MDGA2: variants seen among roughly 807,000 people sequenced by gnomAD.
MDGA2 encodes the protein MAM domain-containing glycosylphosphatidylinositol anchor protein 2.
MDGA2 carries 40 observed loss-of-function variants against 117.8 expected under a neutral mutation model. That is an observed-to-expected ratio of 0.34 (90% CI 0.26 to 0.44). The LOEUF is 0.44. MDGA2 is among the 20% of genes least tolerant of loss of function. The pLI is 1.00. For synonymous variants in MDGA2, 452 were observed against 439.0 expected, an observed-to-expected ratio of 1.03 and a Z score of -0.37; for missense variants, 1,123 against 1,250.6, an observed-to-expected ratio of 0.90 and a Z score of 1.54.
Position 47,035,244 on chromosome 14 carries a change from G to T in MDGA2, c.1586C>A (p.Thr529Lys). The T allele has an allele frequency of 6.2e-7, 1 of 1,614,116 alleles. No homozygotes were observed. Among genetic ancestry groups the T allele is most frequent in the Non-Finnish European group, 8.5e-7 (1 of 1,179,996 alleles). The stretch of plus-strand genomic sequence containing the variant: ...AGTTACTTGACATTGCAGTTCTATT[G>T]TGTCTCCTTCTCTGGTGACCAATGG... ...KSPLVTREGD[T>K]IELQCQVTGK... The change falls in exon 8 of 17, where the codon ACA (threonine) becomes AAA (lysine). Residue 529 changes from threonine to lysine, a missense_variant. This residue lies in a region of MDGA2 where 890 missense variants were observed against 1,050.3 expected (regional missense o/e 0.85). Transcript: ENST00000399232.
At chr14:47,637,874 G>C (rs892963842) in intron 1 of MDGA2, among the ~76,000 whole-genome samples, 2 of 152,246 alleles carry the variant, frequency 1.3e-5, no homozygotes, top group African/African-American at 4.8e-5. Flanking sequence ...ACTGGCTTTG[G>C]TGAGGCAAAC....
chr14:46,855,289 T>G lies in MDGA2; in HGVS notation c.2753-135A>C. 1 of 607,642 alleles carries G rather than the reference T, an allele frequency of 1.6e-6. No homozygotes were observed. The highest frequency in any genetic ancestry group is 2.7e-6 in the Non-Finnish European group (1 of 367,164). 37.6% of individuals were successfully genotyped at this position (607,642 alleles called of 1,614,324 possible). ...TAGTGTCTTGTCCTCTCTTCTCCTC[T>G]CATTTCCTATCTTGCTCTTATGACA... On this transcript the variant is annotated intron_variant, in intron 14 of 16. Transcript: ENST00000399232. The surrounding 1 kb of genome is among the most constrained non-coding windows in gnomAD (Gnocchi z 4.1).
intron 1 of MDGA2, among the ~76,000 whole-genome samples, chr14:47,424,314 T>C (rs113543828): frequency 6.4e-4 from 98 of 152,060 alleles, no homozygotes; most frequent in African/African-American, 2.2e-3. Flanking sequence ...TTCCAGCCAT[T>C]TGGGAGGCTG....
intron 15 of MDGA2, among the ~76,000 whole-genome samples, chr14:46,853,002 C>G (rs577965979): frequency 6.6e-6 from 1 of 151,902 alleles, no homozygotes; most frequent in South Asian, 2.1e-4. Context: ...AAAAATCAAT[C>G]AACTGAAGCC....
chr14:47,537,307 C>T (rs1427341522), intron 1 of MDGA2, among the ~76,000 whole-genome samples: 4 of 85,678 alleles, frequency 4.7e-5, no homozygotes, highest in Non-Finnish European at 8.6e-5. Context: ...GGCCTGTTGT[C>T]GGGTGGGGGG....
intron 1 of MDGA2, among the ~76,000 whole-genome samples, chr14:47,557,063 C>A (rs557427007): frequency 1.3e-5 from 2 of 152,176 alleles, no homozygotes; most frequent in Non-Finnish European, 2.9e-5. Flanking sequence ...TGGGAGGGAA[C>A]AACCATGCAT....
At position 46,922,733 on chromosome 14, in the gene MDGA2, A is replaced by G. The variant is rs553582279; in HGVS notation, c.2090-2573T>C. Among the ~76,000 whole-genome samples the G allele has an allele frequency of 1.8e-3, 274 of 152,314 alleles. 2 individuals are homozygous for G. The highest frequency in any genetic ancestry group is 2.9e-3 in the Non-Finnish European group (199 of 68,022). Reference sequence around the variant, plus strand: ...TCTCTCTGAAATTACCTCCAGGTCTATATAACAAAAGATGTAAAAACTTAT... The same window carrying G: ...TCTCTCTGAAATTACCTCCAGGTCTGTATAACAAAAGATGTAAAAACTTAT... On this transcript the variant is annotated intron_variant, in intron 9 of 16. Transcript: ENST00000399232.
chr14:47,102,050 C>A (rs1594621856), intron 5 of MDGA2, among the ~76,000 whole-genome samples: 1 of 152,022 alleles, frequency 6.6e-6, no homozygotes, highest in Non-Finnish European at 1.5e-5. Flanking sequence ...TTTGCCGCTA[C>A]CTAACATAAT....
chr14:47,171,538 G>A (rs922323898), intron 3 of MDGA2, among the ~76,000 whole-genome samples: 32 of 152,130 alleles, frequency 2.1e-4, no homozygotes, highest in African/African-American at 7.5e-4. Flanking sequence ...ACAAATCAAT[G>A]GGGGAGATTT....
At chr14:47,231,252 A>G (rs1450740444) in intron 2 of MDGA2, among the ~76,000 whole-genome samples, 1 of 152,070 alleles carries the variant, frequency 6.6e-6, no homozygotes, top group Non-Finnish European at 1.5e-5. Flanking sequence ...CGGCCAAATT[A>G]TTTATTAATG....
At chr14:47,431,164 T>A (rs1892790747) in intron 1 of MDGA2, among the ~76,000 whole-genome samples, 2 of 152,046 alleles carry the variant, frequency 1.3e-5, no homozygotes, top group African/African-American at 4.8e-5. Context: ...TAAGTATATA[T>A]TCATATTCCT....
At chr14:47,426,047 A>C (rs1380218267) in intron 1 of MDGA2, among the ~76,000 whole-genome samples, 3 of 151,964 alleles carry the variant, frequency 2.0e-5, no homozygotes, top group African/African-American at 7.3e-5. Context: ...TCTGACTTAC[A>C]CAGCCCGGAT....
intron 2 of MDGA2, among the ~76,000 whole-genome samples, chr14:47,259,284 A>G (rs954940072): frequency 6.6e-6 from 1 of 152,104 alleles, no homozygotes; most frequent in African/African-American, 2.4e-5. Context: ...AGGAAACTAT[A>G]CACATACAGG....
At chr14:47,529,979 T>C (rs759481204) in intron 1 of MDGA2, among the ~76,000 whole-genome samples, 2 of 152,190 alleles carry the variant, frequency 1.3e-5, no homozygotes, top group Non-Finnish European at 2.9e-5. Flanking sequence ...AAATACAAAA[T>C]AGCATGCAGG....
intron 8 of MDGA2, among the ~76,000 whole-genome samples, chr14:47,026,391 A>G (rs944547239): frequency 2.6e-5 from 4 of 152,080 alleles, no homozygotes; most frequent in African/African-American, 9.7e-5. Flanking sequence ...AGTTCTTTGA[A>G]TTTATTTTTT....
chr14:46,891,300 T>C (rs1032226909), intron 10 of MDGA2, among the ~76,000 whole-genome samples: 2 of 151,676 alleles, frequency 1.3e-5, no homozygotes, highest in African/African-American at 4.8e-5. Flanking sequence ...TGTTTCTAAA[T>C]ATAATAATTC....
intron 1 of MDGA2, among the ~76,000 whole-genome samples, chr14:47,306,947 T>A (rs913196795): frequency 1.3e-5 from 2 of 152,106 alleles, no homozygotes; most frequent in African/African-American, 2.4e-5. Context: ...ATGTATTACT[T>A]ATACCATTCT....
intron 1 of MDGA2, among the ~76,000 whole-genome samples, chr14:47,337,505 A>G (rs534389454): frequency 6.6e-6 from 1 of 152,232 alleles, no homozygotes; most frequent in African/African-American, 2.4e-5. Context: ...AAAGAGAAAA[A>G]GATAAAAAAT....
chr14:47,625,346 A>G (rs566134970), intron 1 of MDGA2, among the ~76,000 whole-genome samples: 2 of 152,328 alleles, frequency 1.3e-5, no homozygotes, highest in African/African-American at 4.8e-5. Context: ...TCAGAATACA[A>G]GATTCTTTAC....
Sources: gnomAD v4.1 joint callset for allele counts (sites outside exome capture counted in the v4.1 genomes callset) on GRCh38, gnomAD v4.1.1 for gene constraint, gnomAD v4.1.1 regional missense constraint, Gnocchi (gnomAD v3.1) non-coding constraint, MANE v1.5 for transcripts, NCBI Gene and HGNC (gene_info 2026-07-23, HGNC 2026-07-21) for gene names.